PPFIA2: variants seen among roughly 807,000 people sequenced by gnomAD.
PPFIA2 encodes the protein PPFI scaffold protein A2, also known as liprin-alpha-2.
Under a neutral mutation model 175.5 loss-of-function variants are expected in PPFIA2, and 46 were observed. The observed-to-expected ratio is 0.26, with a 90% confidence interval of 0.21 to 0.34. The LOEUF is 0.34. Ranked by LOEUF, PPFIA2 falls within the 10% of genes least tolerant of loss-of-function variation. The pLI is 1.00. For missense variants in PPFIA2, 1,179 were observed against 1,506.1 expected, an observed-to-expected ratio of 0.78 and a Z score of 3.60; for synonymous variants, 568 against 511.4, an observed-to-expected ratio of 1.11 and a Z score of -1.49.
At chr12:81,543,846 C>A (rs1420270672) in intron 4 of PPFIA2, among the ~76,000 whole-genome samples, 1 of 152,082 alleles carries the variant, frequency 6.6e-6, no homozygotes, top group African/African-American at 2.4e-5. Context: ...TTCCCCAAAC[C>A]CATAACTCTA....
At chr12:81,415,487 C>A (rs978118493) in intron 7 of PPFIA2, among the ~76,000 whole-genome samples, 2 of 149,552 alleles carry the variant, frequency 1.3e-5, no homozygotes, top group Admixed American at 1.3e-4. Context: ...ATAAAAAGTA[C>A]ATAAATTTGG....
At chr12:81,743,524 A>ATTT (rs1568098266) in intron 3 of PPFIA2, among the ~76,000 whole-genome samples, 18 of 146,326 alleles carry the variant, frequency 1.2e-4, no homozygotes, top group African/African-American at 2.2e-4. Context: ...GCTTTTTTTA[A>ATTT]AAAAAAAAGA....
chr12:81,576,730 T>C (rs924861278), intron 4 of PPFIA2, among the ~76,000 whole-genome samples: 1 of 151,850 alleles, frequency 6.6e-6, no homozygotes, highest in Non-Finnish European at 1.5e-5. Flanking sequence ...TGCTGAACTA[T>C]ACCAAAGATT....
At chr12:81,382,978 G>A (rs1035809744) in intron 9 of PPFIA2, among the ~76,000 whole-genome samples, 2 of 152,064 alleles carry the variant, frequency 1.3e-5, no homozygotes, top group East Asian at 1.9e-4. Flanking sequence ...AAGTAAATAC[G>A]GATGAAAACC....
intron 4 of PPFIA2, among the ~76,000 whole-genome samples, chr12:81,469,067 A>G (rs946580279): frequency 6.6e-6 from 1 of 152,178 alleles, no homozygotes; most frequent in Non-Finnish European, 1.5e-5. Context: ...GGACACACTA[A>G]CATGACACGG....
chr12:81,756,892 A>G (rs2084763572), intron 2 of PPFIA2, among the ~76,000 whole-genome samples: 1 of 152,176 alleles, frequency 6.6e-6, no homozygotes, highest in Non-Finnish European at 1.5e-5. Context: ...TAAAAATCAA[A>G]TTATGCAAAA....
intron 4 of PPFIA2, among the ~76,000 whole-genome samples, chr12:81,637,462 T>C (rs2064256809): frequency 1.3e-5 from 2 of 151,810 alleles, no homozygotes; most frequent in East Asian, 1.9e-4. Flanking sequence ...TCCCTTTATC[T>C]ACCTGTCAAA....
intron 4 of PPFIA2, among the ~76,000 whole-genome samples, chr12:81,537,479 T>C (rs2065569667): frequency 6.6e-6 from 1 of 151,890 alleles, no homozygotes; most frequent in Admixed American, 6.6e-5. Flanking sequence ...CCTTACTGTG[T>C]GCCTTTGCCA....
intron 4 of PPFIA2, among the ~76,000 whole-genome samples, chr12:81,526,481 T>C (rs537409502): frequency 6.6e-6 from 1 of 152,202 alleles, no homozygotes; most frequent in Admixed American, 6.5e-5. Context: ...AGTAAATCTC[T>C]TTACTGTTTA....
rs1174376258 is a variant in PPFIA2 at position 81,258,822 on chromosome 12, T to G, written c.*872A>C. ...AGTACTGGCTGGCATTTCAAGATAT[T>G]TGAATGAACATGTGGTTCTTAGTAA... On this transcript the variant is annotated 3_prime_UTR_variant, in exon 33 of 33. Coordinates refer to ENST00000549396, the MANE Select transcript of PPFIA2 (RefSeq NM_003625.5). The G allele has an allele frequency of 6.6e-6, 1 of 152,166 alleles. No individual in the cohort carries two copies. Among genetic ancestry groups the G allele is most frequent in the African/African-American group, 2.4e-5 (1 of 41,436 alleles). The allele number at this position is 152,166 out of a possible 1,614,324, so 9.4% of individuals were successfully genotyped here. A position where few individuals can be genotyped will look rare whatever the true frequency, so the allele number is the denominator to read the frequency against.
chr12:81,724,285 G>A (rs1243672259), intron 3 of PPFIA2, among the ~76,000 whole-genome samples: 1 of 150,958 alleles, frequency 6.6e-6, no homozygotes, highest in Non-Finnish European at 1.5e-5. Context: ...ATGACAAGAT[G>A]TTATTAAATT....
intron 7 of PPFIA2, among the ~76,000 whole-genome samples, chr12:81,438,197 C>T (rs550313590): frequency 6.6e-5 from 10 of 152,120 alleles, no homozygotes; most frequent in Admixed American, 3.3e-4. Context: ...TGGCTGGGCG[C>T]GGTGGCTCAC....
rs141419987 is a variant in PPFIA2 at position 81,511,317 on chromosome 12, A to C, written c.304-53451T>G. The stretch of plus-strand genomic sequence containing the variant: ...ACAGACACTTTGTGATGGGTGTGTC[A>C]ATTAGCACAAACTTTTGGAAAATTA... On this transcript the variant is annotated intron_variant, in intron 4 of 32. Coordinates refer to ENST00000549396, the MANE Select transcript of PPFIA2 (RefSeq NM_003625.5). Among the ~76,000 whole-genome samples, 1,142 of 152,114 alleles carry C rather than the reference A, an allele frequency of 7.5e-3. 14 individuals carry two copies. The highest frequency in any genetic ancestry group is 0.025 in the African/African-American group (1,049 of 41,516).
intron 9 of PPFIA2, among the ~76,000 whole-genome samples, chr12:81,379,057 G>A (rs928658593): frequency 6.6e-6 from 1 of 152,104 alleles, no homozygotes; most frequent in African/African-American, 2.4e-5. Context: ...TAGATTACAT[G>A]CAGGAATTTT....
rs538281644 is a variant in PPFIA2 at position 81,394,287 on chromosome 12, C to T, written c.763-10043G>A. 2.0e-5 allele frequency among the ~76,000 whole-genome samples: 3 copies of T among 152,014 alleles called. No homozygotes were observed. The South Asian group carries it at 6.2e-4, about 32-fold the overall frequency. ...CTTACTGTTACTTGGATTACTTGGG[C>T]TCTTATATATTTTAGATAGTCAAAA... On this transcript the variant is annotated intron_variant, in intron 8 of 32. Coordinates refer to ENST00000549396, the MANE Select transcript of PPFIA2 (RefSeq NM_003625.5).
At chr12:81,344,003 C>A (rs898909373) in intron 19 of PPFIA2, among the ~76,000 whole-genome samples, 14 of 152,122 alleles carry the variant, frequency 9.2e-5, no homozygotes, top group Non-Finnish European at 1.2e-4. Flanking sequence ...AGGCAATATT[C>A]CTCTGCCCTA....
At chr12:81,309,173 A>G (rs937654369) in intron 22 of PPFIA2, among the ~76,000 whole-genome samples, 1 of 152,164 alleles carries the variant, frequency 6.6e-6, no homozygotes, top group Non-Finnish European at 1.5e-5. Context: ...CAAGAGGGTA[A>G]ATAGGATGTA....
At chr12:81,617,781 A>C (rs2061554489) in intron 4 of PPFIA2, among the ~76,000 whole-genome samples, 1 of 152,242 alleles carries the variant, frequency 6.6e-6, no homozygotes, top group Non-Finnish European at 1.5e-5. Flanking sequence ...TACCAGCTAT[A>C]AGTTGCACAC....
chr12:81,662,745 C>CA (rs1331425907), intron 4 of PPFIA2, among the ~76,000 whole-genome samples: 15 of 151,682 alleles, frequency 9.9e-5, no homozygotes, highest in Admixed American at 2.0e-4. Flanking sequence ...AGAGACACAA[C>CA]AAAAAAAAGA....
Sources: allele counts gnomAD v4.1 joint callset (sites outside exome capture counted in the v4.1 genomes callset), GRCh38; gene constraint gnomAD v4.1.1; transcripts MANE v1.5; gene names NCBI Gene and HGNC (gene_info 2026-07-23, HGNC 2026-07-21).